AFF3: variants seen among roughly 807,000 people sequenced by gnomAD.
AFF3 encodes the protein AF4/FMR2 family member 3.
AFF3 carries 32 observed loss-of-function variants against 129.7 expected under a neutral mutation model. The observed-to-expected ratio is 0.25, with a 90% CI of 0.19 to 0.33. The LOEUF is 0.33. Among genes scored for constraint, AFF3 ranks in the 10% least tolerant of loss-of-function variants. AFF3 has a pLI of 1.00. For missense variants in AFF3, 1,373 were observed against 1,592.0 expected (o/e 0.86, Z 2.34); for synonymous variants, 644 against 635.4 (o/e 1.01, Z -0.20).
At chr2:99,911,086 A>AGT (rs935164036) in intron 7 of AFF3, among the ~76,000 whole-genome samples, 1 of 152,244 alleles carries the variant, frequency 6.6e-6, no homozygotes, top group Non-Finnish European at 1.5e-5. Flanking sequence ...AACCCAGTGC[A>AGT]GTGTCTGAGT....
rs1686146234 is a variant in AFF3 at position 99,660,616 on chromosome 2, C to CT, written c.1144-10951dup. On this transcript the variant is annotated intron_variant, in intron 12 of 24. Transcript: ENST00000672756. ...ACAGTCTTCTTTGAAATGCCTTGAA[C>CT]TTTAAGAACAAATCCAGGTTGAAAG... is the stretch of plus-strand genomic sequence containing the variant. 2.6e-5 allele frequency among the ~76,000 whole-genome samples: 4 copies of CT among 152,312 alleles called. No individual in the cohort carries two copies. In the South Asian group the frequency reaches 8.3e-4, roughly 32 times the overall value.
rs139892549 is a variant in AFF3, at chr2:99,626,628, G to C, written c.1184+22998C>G. Reference sequence around the variant, plus strand: ...GGTACATGTGCAGGTTTGTTATACAGGTAAACTTATGTCACCGGGTTTGAT... The same window carrying C: ...GGTACATGTGCAGGTTTGTTATACACGTAAACTTATGTCACCGGGTTTGAT... On this transcript the variant is annotated intron_variant, in intron 13 of 24. Coordinates refer to ENST00000672756, the MANE Select transcript of AFF3 (RefSeq NM_001386135.1). 1.2e-3 allele frequency among the ~76,000 whole-genome samples: 183 copies of C among 147,322 alleles called. 3 individuals carry two copies. In the East Asian group the frequency reaches 0.03, roughly 24 times the overall value.
intron 7 of AFF3, among the ~76,000 whole-genome samples, chr2:99,851,267 T>C (rs1180121040): frequency 2.0e-5 from 3 of 152,248 alleles, no homozygotes. Flanking sequence ...TAGCAACTAC[T>C]GGGAGTCCAT....
intron 4 of AFF3, among the ~76,000 whole-genome samples, chr2:100,043,445 C>T (rs1369310632): frequency 2.6e-5 from 4 of 152,024 alleles, no homozygotes; most frequent in African/African-American, 4.8e-5. Context: ...TATATAAGGA[C>T]GGGACTTGGA....
chr2:99,862,217 T>C (rs559669597), intron 7 of AFF3, among the ~76,000 whole-genome samples: 1 of 152,324 alleles, frequency 6.6e-6, no homozygotes, highest in African/African-American at 2.4e-5. Context: ...TGAATTTTAC[T>C]GCATTTTCTC....
chr2:99,808,809 G>A (rs1398667974), intron 8 of AFF3, among the ~76,000 whole-genome samples: 1 of 152,194 alleles, frequency 6.6e-6, no homozygotes, highest in African/African-American at 2.4e-5. Flanking sequence ...ATGCTATAAT[G>A]TACTTTCCCC....
intron 4 of AFF3, among the ~76,000 whole-genome samples, chr2:100,009,417 C>A (rs770829223): frequency 1.7e-4 from 26 of 151,782 alleles, no homozygotes; most frequent in Non-Finnish European, 3.1e-4. Flanking sequence ...CTGCATGCTG[C>A]AGTGGTTTTC....
chr2:99,856,153 G>A (rs965410081), intron 7 of AFF3, among the ~76,000 whole-genome samples: 9 of 152,108 alleles, frequency 5.9e-5, no homozygotes, highest in African/African-American at 1.9e-4. Flanking sequence ...GAGTAAGAAA[G>A]ACATTAAGTA....
At position 99,575,476 on chromosome 2, in the gene AFF3, G is replaced by A. The variant is rs1195260023; in HGVS notation, c.2918+2851C>T. Among the ~76,000 whole-genome samples the A allele has an allele frequency of 3.4e-5, 5 of 145,152 alleles. 1 individual carries two copies. The highest frequency in any genetic ancestry group is 2.1e-4 in the South Asian group (1 of 4,658). ...GGGTTTCACTGTGTTGGCCAGGCTCGTCTCAAGCTCCTGACCTCAAGTGAT... is the reference window on the plus strand; with the variant it reads ...GGGTTTCACTGTGTTGGCCAGGCTCATCTCAAGCTCCTGACCTCAAGTGAT... On this transcript the variant is annotated intron_variant, in intron 18 of 24. Coordinates refer to ENST00000672756, the MANE Select transcript of AFF3 (RefSeq NM_001386135.1).
chr2:100,137,688 G>A (rs895038898), intron 1 of AFF3, among the ~76,000 whole-genome samples: 2 of 152,180 alleles, frequency 1.3e-5, no homozygotes, highest in East Asian at 3.9e-4. Context: ...GGCAGACTGG[G>A]CGGGGACCTC....
chr2:99,906,058 A>G (rs772347163), intron 7 of AFF3, among the ~76,000 whole-genome samples: 3 of 152,182 alleles, frequency 2.0e-5, no homozygotes, highest in Non-Finnish European at 4.4e-5. Flanking sequence ...AAATACTCTG[A>G]CCTATTCCTA....
chr2:99,644,615 C>T (rs1381656613), intron 13 of AFF3, among the ~76,000 whole-genome samples: 2 of 152,214 alleles, frequency 1.3e-5, no homozygotes, highest in East Asian at 3.9e-4. Flanking sequence ...GCCTAGTGCT[C>T]CTCTTGCCCT....
At chr2:100,051,862 A>G (rs1559088767) in intron 4 of AFF3, among the ~76,000 whole-genome samples, 1 of 152,360 alleles carries the variant, frequency 6.6e-6, no homozygotes, top group East Asian at 1.9e-4. Flanking sequence ...TTCCAACACT[A>G]TGGGAGAGAT....
At chr2:99,560,504 T>G (rs1575352487) in intron 20 of AFF3, 68 bp from the exon 21 acceptor site, 1 of 1,450,062 alleles carries the variant, frequency 6.9e-7, no homozygotes, top group East Asian at 2.3e-5. Context: ...AAAACTAGCT[T>G]TTTTATTAAC....
chr2:99,864,708 C>T (rs1691249019), intron 7 of AFF3, among the ~76,000 whole-genome samples: 1 of 152,182 alleles, frequency 6.6e-6, no homozygotes. Flanking sequence ...TTAGCCAATG[C>T]CAGGGAACAC....
intron 8 of AFF3, among the ~76,000 whole-genome samples, chr2:99,796,680 T>A (rs1055609263): frequency 2.6e-5 from 4 of 152,156 alleles, no homozygotes; most frequent in Non-Finnish European, 4.4e-5. Flanking sequence ...ATCTTGAATA[T>A]CTGCAGGTCT....
chr2:99,804,054 A>G (rs915243976), intron 8 of AFF3, among the ~76,000 whole-genome samples: 2 of 152,226 alleles, frequency 1.3e-5, no homozygotes, highest in African/African-American at 4.8e-5. Context: ...ACCCAAAAGC[A>G]AATGTAACAA....
chr2:100,050,684 G>A (rs1365217237), intron 4 of AFF3, among the ~76,000 whole-genome samples: 2 of 152,202 alleles, frequency 1.3e-5, no homozygotes, highest in African/African-American at 4.8e-5. Context: ...AAACGTCAGT[G>A]CACGTAGGAT....
intron 7 of AFF3, among the ~76,000 whole-genome samples, chr2:99,926,710 G>GT (rs1696268957): frequency 6.6e-6 from 1 of 151,202 alleles, no homozygotes; most frequent in Non-Finnish European, 1.5e-5. Flanking sequence ...CCCTGCCTGG[G>GT]GGTTACAGAG....
Sources: allele counts gnomAD v4.1 joint callset (sites outside exome capture counted in the v4.1 genomes callset), GRCh38; gene constraint gnomAD v4.1.1; transcripts MANE v1.5; gene names NCBI Gene and HGNC (gene_info 2026-07-23, HGNC 2026-07-21).